MED12L: variants seen among roughly 807,000 people sequenced by gnomAD.
The protein encoded by MED12L is mediator of RNA polymerase II transcription subunit 12-like protein.
MED12L carries 60 observed loss-of-function variants against 281.3 expected under a neutral mutation model. The observed-to-expected ratio is 0.21, with a 90% CI of 0.17 to 0.26. MED12L has a LOEUF of 0.26. Ranked by LOEUF, MED12L falls within the 10% of genes least tolerant of loss-of-function variation. The probability of loss-of-function intolerance (pLI) is 1.00; values close to 1 mark genes in which losing one functional copy is unlikely to be tolerated. For missense variants in MED12L, 2,146 were observed against 2,680.9 expected (o/e 0.80, Z 4.41); for synonymous variants, 974 against 987.2 (o/e 0.99, Z 0.25).
intron 43 of MED12L, among the ~76,000 whole-genome samples, chr3:151,424,911 G>A (rs1256589935): frequency 6.6e-6 from 1 of 152,116 alleles, no homozygotes; most frequent in Non-Finnish European, 1.5e-5. Context: ...ATGTTGCTTT[G>A]CTGCTTTGTT....
At chr3:151,187,829 A>G (rs1259583038) in intron 12 of MED12L, among the ~76,000 whole-genome samples, 1 of 152,224 alleles carries the variant, frequency 6.6e-6, no homozygotes, top group Non-Finnish European at 1.5e-5. Context: ...TCTGACAAAA[A>G]CAGTTCAATA....
chr3:151,260,986 C>T (rs1314459223), intron 16 of MED12L, among the ~76,000 whole-genome samples: 1 of 151,988 alleles, frequency 6.6e-6, no homozygotes, highest in Non-Finnish European at 1.5e-5. Flanking sequence ...TGTATGGTGT[C>T]TTTGGTTCTG....
Position 151,166,426 on chromosome 3 carries a change from G to A in MED12L, c.1494+444G>A, listed in dbSNP as rs568780073. On this transcript the variant is annotated intron_variant, in intron 11 of 44. Coordinates refer to ENST00000687756, the MANE Select transcript of MED12L (RefSeq NM_001393769.1). ...GTTCTACAGAGAAATAGAACCAATA[G>A]AAAAAAAGTGTGTGTTAAGTGTATG... Among the ~76,000 whole-genome samples the A allele has an allele frequency of 2.6e-5, 4 of 151,766 alleles. No homozygotes were observed. In the South Asian group the frequency reaches 8.3e-4, roughly 32 times the overall value.
At chr3:151,204,044 G>A (rs1353230619) in intron 16 of MED12L, among the ~76,000 whole-genome samples, 1 of 152,194 alleles carries the variant, frequency 6.6e-6, no homozygotes, top group Non-Finnish European at 1.5e-5. Context: ...CTAACTGAAT[G>A]TTTGAAAGAA....
chr3:151,241,064 T>C (rs1463134712), intron 16 of MED12L, among the ~76,000 whole-genome samples: 5 of 151,950 alleles, frequency 3.3e-5, no homozygotes, highest in African/African-American at 1.2e-4. Flanking sequence ...CGGGGGACTA[T>C]ACTCATGGGA....
intron 32 of MED12L, 108 bp from the exon 33 acceptor site, chr3:151,382,548 A>T: frequency 1.7e-6 from 1 of 594,638 alleles, no homozygotes; most frequent in Non-Finnish European, 2.8e-6. Flanking sequence ...TTTGTTTGTT[A>T]ATTTGTTAAA....
chr3:151,160,072 C>T lies in MED12L; in HGVS notation c.1078C>T (p.Leu360=), dbSNP rs1463588155. 1 of 1,611,552 alleles carries T rather than the reference C, an allele frequency of 6.2e-7. No individual in the cohort carries two copies. Among genetic ancestry groups the T allele is most frequent in the Admixed American group, 1.7e-5 (1 of 59,650 alleles). The change falls in exon 8 of 45, where the codon CTG becomes TTG. Residue 360 remains leucine (L), a synonymous_variant. Transcript: ENST00000687756. The stretch of plus-strand genomic sequence containing the variant: ...TCTTTCCTGTGCACAGCATGGTCCC[C>T]TGGTTTATGGACTTAGTTGTATGTT... The part of the protein sequence containing the change: ...DFLSCAQHGP[L]VYGLSCMLQT...
At chr3:151,277,577 G>A (rs1020073888) in intron 16 of MED12L, among the ~76,000 whole-genome samples, 3 of 152,080 alleles carry the variant, frequency 2.0e-5, no homozygotes, top group Non-Finnish European at 4.4e-5. Flanking sequence ...GGATTGCATG[G>A]GCTTGGTTGA....
chr3:151,111,051 G>C (rs1479880666), intron 2 of MED12L, among the ~76,000 whole-genome samples: 1 of 152,232 alleles, frequency 6.6e-6, no homozygotes, highest in East Asian at 1.9e-4. Context: ...CTGACCTACT[G>C]AAGTGGGAAC....
chr3:151,284,316 G>A (rs536372972), intron 16 of MED12L, among the ~76,000 whole-genome samples: 8 of 151,586 alleles, frequency 5.3e-5, no homozygotes, highest in African/African-American at 1.2e-4. Context: ...AGAATAAGCC[G>A]CACCTGACAT....
intron 16 of MED12L, among the ~76,000 whole-genome samples, chr3:151,249,658 C>T (rs1294308036): frequency 1.3e-5 from 2 of 152,152 alleles, no homozygotes; most frequent in South Asian, 2.1e-4. Context: ...CATTTCCAGC[C>T]TTGAATGGGG....
chr3:151,368,363 C>A, intron 25 of MED12L, 112 bp downstream of exon 25: 1 of 847,546 alleles, frequency 1.2e-6, no homozygotes, highest in Non-Finnish European at 1.9e-6. Context: ...TTTGGGCATG[C>A]CCTGGGGGTG....
intron 2 of MED12L, among the ~76,000 whole-genome samples, chr3:151,113,461 G>A (rs888463934): frequency 6.6e-6 from 1 of 152,162 alleles, no homozygotes; most frequent in Non-Finnish European, 1.5e-5. Flanking sequence ...TGGAGCAGGA[G>A]TGACATGGTC....
chr3:151,269,919 T>A, intron 16 of MED12L: 1 of 449,652 alleles, frequency 2.2e-6, no homozygotes, highest in Non-Finnish European at 4.4e-6. Context: ...GATGCAGGTG[T>A]TGTTGAGTTG....
intron 16 of MED12L, among the ~76,000 whole-genome samples, chr3:151,334,427 T>G (rs1750731013): frequency 1.3e-5 from 2 of 150,376 alleles, no homozygotes; most frequent in South Asian, 4.2e-4. Flanking sequence ...AGAGTTGTGT[T>G]TTTTTTTTTG....
At chr3:151,357,153 A>C (rs3732760) in intron 19 of MED12L, 60 bp from the exon 20 acceptor site, 509,499 of 1,368,398 alleles carry the variant, frequency 0.37, 96,570 homozygotes, top group South Asian at 0.4. Context: ...TATAAAAATA[A>C]ATGTTTTCTC....
chr3:151,261,635 C>T (rs1488845225), intron 16 of MED12L, among the ~76,000 whole-genome samples: 3 of 152,134 alleles, frequency 2.0e-5, no homozygotes, highest in Non-Finnish European at 2.9e-5. Flanking sequence ...GACTCCCAGA[C>T]ACCTCCATTC....
Position 151,198,332 on chromosome 3 carries a change from G to GTT in MED12L, c.2250+4674_2250+4675dup, listed in dbSNP as rs1176157292. On this transcript the variant is annotated intron_variant, in intron 16 of 44. Transcript: ENST00000687756. The stretch of plus-strand genomic sequence containing the variant: ...AGCTAACTGTATTTTTTCATACTGA[G>GTT]TTTTTTTTTGTTTTTTTTTTTTTTA... The GTT allele has an allele frequency of 3.5e-4, 304 of 866,438 alleles. 3 individuals are homozygous for GTT. Among genetic ancestry groups the GTT allele is most frequent in the Non-Finnish European group, 4.0e-4 (248 of 618,206 alleles). 53.7% of individuals were successfully genotyped at this position (866,438 alleles called of 1,614,324 possible).
intron 39 of MED12L, among the ~76,000 whole-genome samples, chr3:151,407,876 G>A (rs1202468539): frequency 6.6e-6 from 1 of 152,086 alleles, no homozygotes. Context: ...TTTTTTTTGT[G>A]GGGATCAGAG....
Sources: gnomAD v4.1 joint callset for allele counts (sites outside exome capture counted in the v4.1 genomes callset) on GRCh38, gnomAD v4.1.1 for gene constraint, MANE v1.5 for transcripts, NCBI Gene and HGNC (gene_info 2026-07-23, HGNC 2026-07-21) for gene names.